PTPRN2: variants seen among roughly 807,000 people sequenced by gnomAD.
PTPRN2 encodes protein tyrosine phosphatase receptor type N2.
Under a neutral mutation model 118.8 loss-of-function variants are expected in PTPRN2, and 74 were observed. The observed-to-expected ratio is 0.62, with a 90% CI of 0.52 to 0.76. The LOEUF is 0.76. PTPRN2 is among the 30% of genes least tolerant of loss of function. The pLI, the probability that PTPRN2 is intolerant of heterozygous loss-of-function variation, is 0.00. For synonymous variants in PTPRN2, 641 were observed against 608.0 expected (o/e 1.05, Z -0.80); for missense variants, 1,481 against 1,394.4 (o/e 1.06, Z -0.99).
intron 11 of PTPRN2, among the ~76,000 whole-genome samples, chr7:157,954,110 T>C (rs1801006551): frequency 6.6e-6 from 1 of 151,550 alleles, no homozygotes; most frequent in Non-Finnish European, 1.5e-5. Flanking sequence ...ACGTGTGCTG[T>C]GTGGTGTGTG....
At chr7:158,354,911 C>T (rs10246642) in intron 2 of PTPRN2, among the ~76,000 whole-genome samples, 5,328 of 152,176 alleles carry the variant, frequency 0.035, 314 homozygotes, top group African/African-American at 0.12. Flanking sequence ...AAAGAGAAGA[C>T]CCCAAAGGAA....
intron 3 of PTPRN2, among the ~76,000 whole-genome samples, chr7:158,246,149 T>C (rs144280692): frequency 7.9e-6 from 1 of 126,320 alleles, no homozygotes; most frequent in Non-Finnish European, 1.7e-5. Context: ...ATTGATTGAT[T>C]GATAATTTGA....
Position 157,548,942 on chromosome 7 carries a change from G to A in PTPRN2, c.2976+4C>T. The A allele has an allele frequency of 5.6e-6, 9 of 1,613,840 alleles. No homozygotes were observed. The highest frequency in any genetic ancestry group is 7.6e-6 in the Non-Finnish European group (9 of 1,179,670). ...CTGCGTCCCGGAGGAGAGACTGACA[G>A]TACCTTCGTCTGGACCATGCCGGGT... On this transcript the variant is annotated splice_donor_region_variant and intron_variant, in intron 22 of 22. Transcript: ENST00000389418.
chr7:158,400,182 C>A (rs1055552622), intron 2 of PTPRN2, among the ~76,000 whole-genome samples: 3 of 152,162 alleles, frequency 2.0e-5, no homozygotes, highest in African/African-American at 4.8e-5. Context: ...GAGGCCCCCA[C>A]AAACATCAAG....
intron 12 of PTPRN2, among the ~76,000 whole-genome samples, chr7:157,790,027 TGTGGTGGG>T (rs1411774548): frequency 4.5e-4 from 45 of 99,424 alleles, no homozygotes; most frequent in African/African-American, 5.6e-4. Flanking sequence ...TGAATGTGTG[TGTGGTGGG>T]GGTGTGTGTG....
chr7:158,299,623 C>A (rs960118906), intron 3 of PTPRN2, among the ~76,000 whole-genome samples: 4 of 152,152 alleles, frequency 2.6e-5, no homozygotes, highest in African/African-American at 9.6e-5. Flanking sequence ...AGCTCATTAA[C>A]ATGGCAAAGA....
chr7:158,195,740 T>C (rs1465444549), intron 4 of PTPRN2, among the ~76,000 whole-genome samples: 1 of 152,204 alleles, frequency 6.6e-6, no homozygotes, highest in Non-Finnish European at 1.5e-5. Flanking sequence ...CCATGAAATT[T>C]TCCTGTCTCC....
Position 157,656,504 on chromosome 7 carries a change from C to CT in PTPRN2, c.2048dup (p.His686AlafsTer98). 6.4e-7 allele frequency: 1 copy of CT among 1,552,736 alleles called. No individual in the cohort carries two copies. The highest frequency in any genetic ancestry group is 8.7e-7 in the Non-Finnish European group (1 of 1,153,726). ...TGCTGATGCGTGACGTGTGCGGGCC[C>CT]TCAGGTCGGTCTGGTGGCCGCGTGG... On this transcript the variant is annotated frameshift_variant, in exon 14 of 23. Transcript: ENST00000389418. LOFTEE classifies it high-confidence loss of function.
At chr7:158,085,878 C>T (rs527865067) in intron 10 of PTPRN2, among the ~76,000 whole-genome samples, 60 of 137,698 alleles carry the variant, frequency 4.4e-4, no homozygotes, top group African/African-American at 1.2e-3. Context: ...TCCACACCTA[C>T]GACGCCCATC....
At position 157,671,910 on chromosome 7, in the gene PTPRN2, T is replaced by C. The variant is rs1796435830; in HGVS notation, c.2001+10815A>G. Among the ~76,000 whole-genome samples, 1 of 151,998 alleles carries C rather than the reference T, an allele frequency of 6.6e-6. No homozygotes were observed. ...GAAGGGTGCTGAGCCCTAAGGTCTGTACGGGGAGTTTCTAAAAGTCTACGC... is the reference window on the plus strand; with the variant it reads ...GAAGGGTGCTGAGCCCTAAGGTCTGCACGGGGAGTTTCTAAAAGTCTACGC... On this transcript the variant is annotated intron_variant, in intron 13 of 22. Coordinates refer to ENST00000389418, the MANE Select transcript of PTPRN2 (RefSeq NM_002847.5). The surrounding 1 kb of genome is among the most constrained non-coding windows in gnomAD (Gnocchi z 4.1).
intron 3 of PTPRN2, among the ~76,000 whole-genome samples, chr7:158,314,234 C>T (rs1020347583): frequency 6.6e-6 from 1 of 152,212 alleles, no homozygotes; most frequent in Non-Finnish European, 1.5e-5. Flanking sequence ...TGAAAGACCC[C>T]TGGCCTCCAC....
At chr7:158,038,017 G>C (rs1808205944) in intron 11 of PTPRN2, among the ~76,000 whole-genome samples, 1 of 152,216 alleles carries the variant, frequency 6.6e-6, no homozygotes, top group South Asian at 2.1e-4. Flanking sequence ...GAGATGCTGA[G>C]GGGAGGGTCT....
At chr7:158,569,939 C>A (rs571278856) in intron 1 of PTPRN2, among the ~76,000 whole-genome samples, 5 of 152,184 alleles carry the variant, frequency 3.3e-5, no homozygotes, top group South Asian at 4.1e-4. Flanking sequence ...GCGGCGCCCT[C>A]CCGGCCTCCC....
rs896128309 is a variant in PTPRN2 at position 157,861,465 on chromosome 7, G to A, written c.1788+37208C>T. ...CCTGTGGCATCTGCCTCCTGCCCTCGGACATGCTGGCCCGCCCTCCCTGAG... is the reference window on the plus strand; with the variant it reads ...CCTGTGGCATCTGCCTCCTGCCCTCAGACATGCTGGCCCGCCCTCCCTGAG... On this transcript the variant is annotated intron_variant, in intron 12 of 22. Transcript: ENST00000389418. This position sits in a 1 kb window ranked among gnomAD's most constrained non-coding sequence, Gnocchi z 5.8. Among the ~76,000 whole-genome samples the A allele has an allele frequency of 2.6e-5, 4 of 152,198 alleles. No individual in the cohort carries two copies. The highest frequency in any genetic ancestry group is 3.9e-4 in the East Asian group (2 of 5,192).
intron 3 of PTPRN2, among the ~76,000 whole-genome samples, chr7:158,309,087 C>T (rs1216583598): frequency 1.3e-5 from 2 of 151,606 alleles, no homozygotes; most frequent in Admixed American, 6.6e-5. Flanking sequence ...CACAGTCTTC[C>T]AAAAAAAATA....
intron 11 of PTPRN2, among the ~76,000 whole-genome samples, chr7:158,044,581 T>C (rs1808704313): frequency 6.6e-6 from 1 of 151,666 alleles, no homozygotes; most frequent in African/African-American, 2.4e-5. Context: ...GCTCGGGGCC[T>C]CGATCATTTG....
chr7:158,108,842 G>A lies in PTPRN2; in HGVS notation c.1643+1987C>T, dbSNP rs191807226. On this transcript the variant is annotated intron_variant, in intron 10 of 22. Transcript: ENST00000389418. ...AAAGGGGATGCCCAGCTCCTGGTGCGAGGCCAGGTTGCCACAGGTGCCCAG... is the reference window on the plus strand; with the variant it reads ...AAAGGGGATGCCCAGCTCCTGGTGCAAGGCCAGGTTGCCACAGGTGCCCAG... Among the ~76,000 whole-genome samples, 12 of 152,384 alleles carry A rather than the reference G, an allele frequency of 7.9e-5. No individual in the cohort carries two copies. The East Asian group carries it at 2.1e-3, about 27-fold the overall frequency.
chr7:157,550,764 C>T lies in PTPRN2; in HGVS notation c.2903-1745G>A, dbSNP rs1798559906. 6.6e-6 allele frequency among the ~76,000 whole-genome samples: 1 copy of T among 152,172 alleles called. No individual in the cohort carries two copies. Among genetic ancestry groups the T allele is most frequent in the Middle Eastern group, 3.2e-3 (1 of 316 alleles). On this transcript the variant is annotated intron_variant, in intron 21 of 22. Coordinates refer to ENST00000389418, the MANE Select transcript of PTPRN2 (RefSeq NM_002847.5). This position sits in a 1 kb window ranked among gnomAD's most constrained non-coding sequence, Gnocchi z 5.2. ...AAGGCGGCTTTCTTTTGCGGCAGCC[C>T]GTGAGCTCGGCCACCAGGGAACTAG...
chr7:157,543,496 CAT>C (rs1333383136), intron 22 of PTPRN2, among the ~76,000 whole-genome samples: 3 of 152,214 alleles, frequency 2.0e-5, no homozygotes, highest in Admixed American at 6.5e-5. Context: ...GGGGTGCCCA[CAT>C]AGTTGGTGGA....
Sources: gnomAD v4.1 joint callset for allele counts (sites outside exome capture counted in the v4.1 genomes callset) on GRCh38, gnomAD v4.1.1 for gene constraint, Gnocchi (gnomAD v3.1) non-coding constraint, MANE v1.5 for transcripts, NCBI Gene and HGNC (gene_info 2026-07-23, HGNC 2026-07-21) for gene names.